Variants in WDR59 observed in about 807,000 individuals in gnomAD.
The protein encoded by WDR59 is GATOR2 complex protein WDR59.
WDR59 carries 100 observed loss-of-function variants against 131.2 expected under a neutral mutation model. The observed-to-expected ratio is 0.76, with a 90% CI of 0.65 to 0.90. The LOEUF (loss-of-function observed/expected upper bound fraction) is 0.90. Ranked by LOEUF, WDR59 falls within the 40% of genes least tolerant of loss-of-function variation. The pLI is 0.00. For synonymous variants in WDR59, 601 were observed against 466.2 expected (o/e 1.29, Z -3.72); for missense variants, 1,203 against 1,262.2 (o/e 0.95, Z 0.71).
intron 17 of WDR59, among the ~76,000 whole-genome samples, chr16:74,907,212 C>T (rs766660695): frequency 3.3e-5 from 5 of 152,072 alleles, no homozygotes; most frequent in Non-Finnish European, 7.4e-5. Flanking sequence ...TTCTCTCATC[C>T]AGTTCTCTCT....
chr16:74,968,759 G>A (rs952567308), intron 1 of WDR59, among the ~76,000 whole-genome samples: 1 of 151,710 alleles, frequency 6.6e-6, no homozygotes, highest in African/African-American at 2.4e-5. Context: ...ACGGCAAATA[G>A]ACTATCATAA....
At chr16:74,930,200 G>C (rs1247682635) in intron 8 of WDR59, among the ~76,000 whole-genome samples, 1 of 152,148 alleles carries the variant, frequency 6.6e-6, no homozygotes. Context: ...GGTATGATTA[G>C]AATGTTTATA....
chr16:74,984,827 G>A, intron 1 of WDR59, 137 bp downstream of exon 1: 1 of 1,285,326 alleles, frequency 7.8e-7, no homozygotes, highest in African/African-American at 1.5e-5. Context: ...GGCCTAAGAG[G>A]TCGGCTAAGC....
chr16:74,920,254 A>C (rs2030065163), intron 10 of WDR59, among the ~76,000 whole-genome samples: 1 of 152,192 alleles, frequency 6.6e-6, no homozygotes, highest in Non-Finnish European at 1.5e-5. Context: ...TATTCAATAA[A>C]GTATATGAGA....
At chr16:74,980,119 A>C (rs2034343896) in intron 1 of WDR59, among the ~76,000 whole-genome samples, 4 of 151,858 alleles carry the variant, frequency 2.6e-5, no homozygotes, top group Admixed American at 2.6e-4. Flanking sequence ...TCGGCCTCCC[A>C]AAGTGCTGGA....
In WDR59 at chr16:74,949,783, C is replaced by T. The variant is rs180741488; in HGVS notation, c.342G>A (p.Ala114=). Residue 114 remains alanine (A), a synonymous_variant, in exon 5 of 26, where the codon GCG becomes GCA. Transcript: ENST00000262144. ...HTRVISDLDW[A]VFEPDLLVTS... is the part of the protein sequence containing the mutation. ...TAACCAGGAGGTCAGGCTCAAACAC[C>T]GCCCAGTCCAAGTCGCTGGGACACA... 109 of 1,613,824 alleles carry T rather than the reference C, an allele frequency of 6.8e-5. No homozygotes were observed. The African/African-American group carries it at 1.1e-3, about 16-fold the overall frequency.
chr16:74,960,768 AAAGAG>A (rs1161848571), intron 2 of WDR59, among the ~76,000 whole-genome samples: 3 of 151,520 alleles, frequency 2.0e-5, no homozygotes, highest in East Asian at 1.9e-4. Context: ...AAAAAAAAAA[AAAGAG>A]AGAGAGAAAG....
chr16:74,913,916 C>T (rs982145993), intron 13 of WDR59, among the ~76,000 whole-genome samples: 20 of 152,206 alleles, frequency 1.3e-4, no homozygotes, highest in South Asian at 4.1e-4. Context: ...CTTTAAAAAG[C>T]GGAATTTTGG....
chr16:74,888,768 C>A (rs117162020), intron 21 of WDR59, among the ~76,000 whole-genome samples: 3 of 152,150 alleles, frequency 2.0e-5, no homozygotes, highest in Admixed American at 6.5e-5. Flanking sequence ...GACACTGGAC[C>A]GCCACAGCAT....
chr16:74,959,843 A>C (rs527505488), intron 2 of WDR59, among the ~76,000 whole-genome samples: 1 of 151,456 alleles, frequency 6.6e-6, no homozygotes, highest in East Asian at 1.9e-4. Flanking sequence ...AAGAAAAAAA[A>C]AAAAAGAGGA....
chr16:74,923,969 T>G lies in WDR59; in HGVS notation c.686A>C (p.Asn229Thr), dbSNP rs146638068. 1 of 1,613,758 alleles carries G rather than the reference T, an allele frequency of 6.2e-7. No homozygotes were observed. Among genetic ancestry groups the G allele is most frequent in the Non-Finnish European group, 8.5e-7 (1 of 1,179,992 alleles). Residue 229 changes from asparagine to threonine, a missense_variant, in exon 9 of 26, where the codon AAT becomes ACT. Coordinates refer to ENST00000262144, the MANE Select transcript of WDR59 (RefSeq NM_030581.4). ...GACAGGCACCTGGCAAGGAAGAATA[T>G]TGAGGTATTTCCGAGGCTGGCGGTA... ...WDYRQPRKYL[N>T]ILPCQVPVWK...
chr16:74,945,355 C>T (rs1048570340), intron 6 of WDR59, among the ~76,000 whole-genome samples: 27 of 151,386 alleles, frequency 1.8e-4, no homozygotes, highest in African/African-American at 2.7e-4. Context: ...CGGGCGCCTG[C>T]AGTCCCAGCT....
chr16:74,928,943 G>A (rs1296785164), intron 8 of WDR59, among the ~76,000 whole-genome samples: 3 of 152,138 alleles, frequency 2.0e-5, no homozygotes, highest in Non-Finnish European at 4.4e-5. Context: ...CAGAATGGGA[G>A]AAATGATCTG....
At chr16:74,951,353 A>G (rs2145139213) in intron 4 of WDR59, 105 bp downstream of exon 4, 2 of 1,150,274 alleles carry the variant, frequency 1.7e-6, no homozygotes, top group South Asian at 1.3e-5. Context: ...GGACCTGTGC[A>G]ACACAGACAG....
chr16:74,936,699 A>C (rs1387072997), intron 8 of WDR59, among the ~76,000 whole-genome samples: 1 of 152,080 alleles, frequency 6.6e-6, no homozygotes, highest in East Asian at 1.9e-4. Context: ...GATGGCGTGC[A>C]TCTGTAATCC....
chr16:74,972,774 A>T (rs2034034654), intron 1 of WDR59, among the ~76,000 whole-genome samples: 1 of 138,034 alleles, frequency 7.2e-6, no homozygotes, highest in African/African-American at 2.6e-5. Context: ...GTGAGCCGAG[A>T]TGGAGCCACT....
chr16:74,936,741 G>A (rs952060301), intron 8 of WDR59, among the ~76,000 whole-genome samples: 1 of 151,968 alleles, frequency 6.6e-6, no homozygotes, highest in African/African-American at 2.4e-5. Flanking sequence ...CAGGAGAATC[G>A]CTTGAACCCA....
intron 6 of WDR59, 87 bp downstream of exon 6, chr16:74,948,432 G>C: frequency 8.1e-7 from 1 of 1,238,346 alleles, no homozygotes; most frequent in Non-Finnish European, 1.2e-6. Flanking sequence ...AGATGGAAAG[G>C]AATAGGAAGG....
chr16:74,909,973 T>TG (rs1966006049), intron 14 of WDR59, 56 bp from the exon 15 acceptor site: 6 of 1,379,374 alleles, frequency 4.3e-6, no homozygotes, highest in Non-Finnish European at 5.9e-6. Flanking sequence ...TGATAGGTTT[T>TG]TTTTTTTTTT....
Sources: gnomAD v4.1 joint callset for allele counts (sites outside exome capture counted in the v4.1 genomes callset) on GRCh38, gnomAD v4.1.1 for gene constraint, MANE v1.5 for transcripts, NCBI Gene and HGNC (gene_info 2026-07-23, HGNC 2026-07-21) for gene names.